Variants in LRRC8D observed in about 807,000 individuals in gnomAD.
The protein encoded by LRRC8D is leucine rich repeat containing 8 VRAC subunit D.
LRRC8D carries 20 observed loss-of-function variants against 55.8 expected under a neutral mutation model. That is an observed-to-expected ratio of 0.36 (90% CI 0.25 to 0.52). LRRC8D has a LOEUF of 0.52. Ranked by LOEUF, LRRC8D falls within the 20% of genes least tolerant of loss-of-function variation. LRRC8D has a pLI of 0.93. For synonymous variants in LRRC8D, 352 were observed against 377.0 expected, an observed-to-expected ratio of 0.93 and a Z score of 0.77; for missense variants, 651 against 1,030.8, an observed-to-expected ratio of 0.63 and a Z score of 5.05.
intron 2 of LRRC8D, among the ~76,000 whole-genome samples, chr1:89,878,354 T>G (rs1031950925): frequency 6.6e-5 from 10 of 152,226 alleles, no homozygotes; most frequent in African/African-American, 2.2e-4. Flanking sequence ...CTTTTTGACC[T>G]GTAAGATGGC....
intron 1 of LRRC8D, among the ~76,000 whole-genome samples, chr1:89,835,824 A>G (rs1049342688): frequency 4.6e-5 from 7 of 152,372 alleles, no homozygotes; most frequent in African/African-American, 1.7e-4. Flanking sequence ...TATTATTGTC[A>G]TTAATTCTGC....
At chr1:89,842,200 G>A (rs544296684) in intron 1 of LRRC8D, among the ~76,000 whole-genome samples, 7 of 130,788 alleles carry the variant, frequency 5.4e-5, no homozygotes, top group South Asian at 2.7e-4. Context: ...GCGACAGAGC[G>A]AGACTCTGTC....
intron 1 of LRRC8D, among the ~76,000 whole-genome samples, chr1:89,832,707 T>G (rs547940047): frequency 1.3e-5 from 2 of 152,296 alleles, no homozygotes; most frequent in African/African-American, 4.8e-5. Context: ...TCCTGGAAGA[T>G]CCTATCAGGA....
At chr1:89,901,730 C>G (rs1662857390) in intron 2 of LRRC8D, among the ~76,000 whole-genome samples, 2 of 152,200 alleles carry the variant, frequency 1.3e-5, no homozygotes, top group Admixed American at 1.3e-4. Context: ...ATATTTGCTG[C>G]TTAAAGAAAT....
chr1:89,930,486 C>T (rs746106467), intron 2 of LRRC8D, among the ~76,000 whole-genome samples: 4 of 152,114 alleles, frequency 2.6e-5, no homozygotes, highest in Non-Finnish European at 4.4e-5. Flanking sequence ...GCCACCATCT[C>T]GTATCTTATG....
At chr1:89,903,163 C>T (rs1311497827) in intron 2 of LRRC8D, among the ~76,000 whole-genome samples, 1 of 152,134 alleles carries the variant, frequency 6.6e-6, no homozygotes, top group African/African-American at 2.4e-5. Context: ...CAGTGTGACT[C>T]CTGTGTCTCT....
At chr1:89,909,683 G>T (rs533805555) in intron 2 of LRRC8D, among the ~76,000 whole-genome samples, 2 of 152,020 alleles carry the variant, frequency 1.3e-5, no homozygotes, top group African/African-American at 4.8e-5. Flanking sequence ...TGGCTAACAC[G>T]GTGAAACCCC....
intron 2 of LRRC8D, among the ~76,000 whole-genome samples, chr1:89,861,028 C>G (rs1014146023): frequency 3.3e-5 from 5 of 151,854 alleles, no homozygotes; most frequent in African/African-American, 1.2e-4. Flanking sequence ...CCATGCAGAG[C>G]TGGGCTGAAT....
intron 2 of LRRC8D, among the ~76,000 whole-genome samples, chr1:89,844,453 T>A (rs898783896): frequency 1.3e-5 from 2 of 152,096 alleles, no homozygotes; most frequent in Non-Finnish European, 2.9e-5. Context: ...TTCTGAGATG[T>A]TTAGTCTGGT....
chr1:89,833,866 G>A (rs1267917328), intron 1 of LRRC8D: 1 of 152,140 alleles, frequency 6.6e-6, no homozygotes, highest in East Asian at 1.9e-4. Context: ...ATGATAGTGT[G>A]GGTGTCAACT....
At chr1:89,903,491 A>T (rs1484926964) in intron 2 of LRRC8D, among the ~76,000 whole-genome samples, 1 of 152,232 alleles carries the variant, frequency 6.6e-6, no homozygotes, top group East Asian at 1.9e-4. Flanking sequence ...ACAGTATCAC[A>T]TTGCCACATG....
intron 2 of LRRC8D, among the ~76,000 whole-genome samples, chr1:89,881,931 A>C (rs770970380): frequency 5.9e-5 from 9 of 152,192 alleles, no homozygotes; most frequent in Non-Finnish European, 1.0e-4. Flanking sequence ...CGAGCTGTTC[A>C]TGAGTCTTCA....
At position 89,840,207 on chromosome 1, in the gene LRRC8D, GTGCACACACACACGTGCGCA is replaced by G. The variant is rs1661098806; in HGVS notation, c.-147-3417_-147-3398del. The stretch of plus-strand genomic sequence containing the variant: ...GTGATTTTAATATATATACATACAC[GTGCACACACACACGTGCGCA>G]TGCACACACACACACAAAAGCATAA... On this transcript the variant is annotated intron_variant, in intron 1 of 2. Coordinates refer to ENST00000337338, the MANE Select transcript of LRRC8D (RefSeq NM_001134479.2). Among the ~76,000 whole-genome samples the G allele has an allele frequency of 2.0e-5, 3 of 149,350 alleles. No homozygotes were observed. In the South Asian group the frequency reaches 6.4e-4, roughly 32 times the overall value.
At chr1:89,826,966 A>G (rs1487570899) in intron 1 of LRRC8D, among the ~76,000 whole-genome samples, 1 of 152,098 alleles carries the variant, frequency 6.6e-6, no homozygotes, top group Non-Finnish European at 1.5e-5. Flanking sequence ...TGTTGGATAA[A>G]CTCAGGGAAG....
At chr1:89,874,982 G>A (rs143461899) in intron 2 of LRRC8D, among the ~76,000 whole-genome samples, 1 of 152,208 alleles carries the variant, frequency 6.6e-6, no homozygotes, top group East Asian at 1.9e-4. Context: ...ATTCAGTGTT[G>A]CTGATCTGGT....
chr1:89,874,141 C>T (rs559336213), intron 2 of LRRC8D, among the ~76,000 whole-genome samples: 1 of 152,142 alleles, frequency 6.6e-6, no homozygotes, highest in Non-Finnish European at 1.5e-5. Flanking sequence ...TTTGTAGGTA[C>T]TTTGTTTAAT....
chr1:89,886,024 A>G (rs1353552095), intron 2 of LRRC8D, among the ~76,000 whole-genome samples: 3 of 152,118 alleles, frequency 2.0e-5, no homozygotes, highest in Non-Finnish European at 4.4e-5. Context: ...TTTTCCTTCT[A>G]TTCCTTTACT....
intron 2 of LRRC8D, among the ~76,000 whole-genome samples, chr1:89,888,368 A>G (rs921059243): frequency 2.8e-4 from 43 of 152,248 alleles, no homozygotes; most frequent in Non-Finnish European, 8.8e-5. Context: ...TGGAATGGAA[A>G]GTTATAGATA....
At chr1:89,828,785 T>G (rs758438514) in intron 1 of LRRC8D, among the ~76,000 whole-genome samples, 1 of 152,182 alleles carries the variant, frequency 6.6e-6, no homozygotes, top group Non-Finnish European at 1.5e-5. Flanking sequence ...CCTCTTATGC[T>G]TGCTGGTAAT....
Sources: allele counts gnomAD v4.1 joint callset (sites outside exome capture counted in the v4.1 genomes callset), GRCh38; gene constraint gnomAD v4.1.1; transcripts MANE v1.5; gene names NCBI Gene and HGNC (gene_info 2026-07-23, HGNC 2026-07-21).